The following WWP1 variants were observed in gnomAD, a reference collection of about 807,000 sequenced individuals.
WWP1 encodes the protein WW domain containing E3 ubiquitin protein ligase 1.
A neutral mutation model predicts 130.6 loss-of-function variants in WWP1; 49 were observed. That is an observed-to-expected ratio of 0.38 (90% confidence interval 0.30 to 0.48). The LOEUF is 0.48. WWP1 is among the 20% of genes least tolerant of loss of function. The probability of loss-of-function intolerance (pLI) is 0.99; values close to 1 mark genes in which losing one functional copy is unlikely to be tolerated. For synonymous variants in WWP1, 332 were observed against 367.8 expected, an observed-to-expected ratio of 0.90 and a Z score of 1.11; for missense variants, 809 against 1,100.6, an observed-to-expected ratio of 0.74 and a Z score of 3.75.
At chr8:86,435,736 T>C (rs370620437) in intron 16 of WWP1, 32 bp downstream of exon 16, 8 of 1,599,924 alleles carry the variant, frequency 5.0e-6, no homozygotes, top group Non-Finnish European at 6.8e-6. Context: ...TAAAACACCA[T>C]TTGTCTCATT....
chr8:86,425,416 A>G, intron 10 of WWP1, 98 bp downstream of exon 10: 1 of 779,390 alleles, frequency 1.3e-6, no homozygotes. Context: ...TTCATTCTGC[A>G]TATATTCAAT....
intron 9 of WWP1, 123 bp from the exon 10 acceptor site, chr8:86,425,098 CTG>C (rs138992023): frequency 4.6e-5 from 28 of 603,082 alleles, no homozygotes; most frequent in South Asian, 7.1e-5. Context: ...ATATATATAG[CTG>C]TGTGTGTGTA....
At chr8:86,388,088 G>A (rs1825391133) in intron 5 of WWP1, among the ~76,000 whole-genome samples, 1 of 150,838 alleles carries the variant, frequency 6.6e-6, no homozygotes, top group Non-Finnish European at 1.5e-5. Flanking sequence ...CATGGCCGCT[G>A]GCTACTGTAT....
intron 21 of WWP1, among the ~76,000 whole-genome samples, chr8:86,454,889 C>G (rs1811356599): frequency 6.6e-6 from 1 of 151,974 alleles, no homozygotes; most frequent in African/African-American, 2.4e-5. Context: ...GTTAAGAGTA[C>G]AGTTAAGAGT....
intron 3 of WWP1, among the ~76,000 whole-genome samples, chr8:86,375,881 C>A (rs995900540): frequency 6.6e-6 from 1 of 152,142 alleles, no homozygotes; most frequent in Admixed American, 6.5e-5. Flanking sequence ...GTGTCTACAC[C>A]AGCTATACAT....
intron 18 of WWP1, among the ~76,000 whole-genome samples, chr8:86,447,062 G>A (rs988103990): frequency 6.6e-6 from 1 of 152,180 alleles, no homozygotes; most frequent in Non-Finnish European, 1.5e-5. Context: ...GTGGGAGAGT[G>A]AATGCAGTAG....
rs376990767 is a variant in WWP1 at position 86,411,654 on chromosome 8, C to T, written c.841C>T (p.Pro281Ser). The part of the protein sequence containing the change: ...PNCTSTTVED[P>S]PVQEILTSSE... The stretch of plus-strand genomic sequence containing the variant: ...TTGCACTAGTACTACTGTTGAAGAT[C>T]CTCCAGTTCAAGAAATACTGACTTC... The change falls in exon 9 of 25, where the codon CCT becomes TCT. Residue 281 changes from proline to serine, a missense_variant. By Grantham distance (74) the Pro-to-Ser change is moderately conservative (BLOSUM62 -1). Coordinates refer to ENST00000517970, the MANE Select transcript of WWP1 (RefSeq NM_007013.4). 2 of 1,613,980 alleles carry T rather than the reference C, an allele frequency of 1.2e-6. No homozygotes were observed. Among genetic ancestry groups the T allele is most frequent in the Non-Finnish European group, 8.5e-7 (1 of 1,180,030 alleles).
At position 86,398,460 on chromosome 8, in the gene WWP1, C is replaced by T; in HGVS notation, c.453C>T (p.Asn151=). Residue 151 remains asparagine (N), a synonymous_variant, in exon 6 of 25, where the codon AAC becomes AAT. Coordinates refer to ENST00000517970, the MANE Select transcript of WWP1 (RefSeq NM_007013.4). ...GLVIEQENIT[N]CSSSPTIEIQ... ...TGATTGAGCAAGAAAATATAACAAA[C>T]TGCAGCTCATCTCCAACCAGTAAGC... is the stretch of plus-strand genomic sequence containing the variant. 6.2e-7 allele frequency: 1 copy of T among 1,612,652 alleles called. No homozygotes were observed.
chr8:86,442,699 G>A lies in WWP1; in HGVS notation c.1919G>A (p.Cys640Tyr), dbSNP rs1810652930. The change falls in exon 18 of 25, where the codon TGT becomes TAT. Residue 640 changes from cysteine to tyrosine, a missense_variant. Coordinates refer to ENST00000517970, the MANE Select transcript of WWP1 (RefSeq NM_007013.4). Reference sequence around the variant, plus strand: ...GAGTATGCGGGCAAGAACAACTATTGTCTGCAGATAAATCCAGCATCAACC... The same window carrying A: ...GAGTATGCGGGCAAGAACAACTATTATCTGCAGATAAATCCAGCATCAACC... ...LFEYAGKNNYCLQINPASTIN... is the reference protein window; with the variant it reads ...LFEYAGKNNYYLQINPASTIN... The A allele has an allele frequency of 6.2e-7, 1 of 1,612,600 alleles. No individual in the cohort carries two copies. The highest frequency in any genetic ancestry group is 1.3e-5 in the African/African-American group (1 of 74,852).
At chr8:86,408,243 C>T (rs1808391506) in intron 8 of WWP1, among the ~76,000 whole-genome samples, 1 of 152,120 alleles carries the variant, frequency 6.6e-6, no homozygotes, top group South Asian at 2.1e-4. Context: ...CTTTTTATCA[C>T]TAAATACTCA....
intron 1 of WWP1, among the ~76,000 whole-genome samples, chr8:86,359,174 C>CT (rs1359532919): frequency 1.3e-5 from 2 of 152,132 alleles, no homozygotes; most frequent in Admixed American, 6.5e-5. Flanking sequence ...GGAGAATCAT[C>CT]TTTTTTTCTC....
intron 14 of WWP1, among the ~76,000 whole-genome samples, chr8:86,434,044 C>A (rs1240648105): frequency 5.3e-5 from 8 of 152,264 alleles, no homozygotes; most frequent in Non-Finnish European, 1.0e-4. Flanking sequence ...GCCTCACCAC[C>A]CCCATTGCCA....
intron 10 of WWP1, among the ~76,000 whole-genome samples, chr8:86,426,808 G>A (rs1809651000): frequency 6.6e-6 from 1 of 152,150 alleles, no homozygotes; most frequent in Admixed American, 6.5e-5. Flanking sequence ...CATGGGCATT[G>A]GCTATAGAGC....
intron 11 of WWP1, 94 bp downstream of exon 11, chr8:86,427,911 C>G: frequency 1.6e-6 from 2 of 1,279,426 alleles, no homozygotes; most frequent in South Asian, 1.7e-5. Context: ...AATCACATAT[C>G]TATTTTGGTG....
intron 1 of WWP1, among the ~76,000 whole-genome samples, chr8:86,358,102 TTC>T (rs1823361791): frequency 6.6e-6 from 1 of 152,210 alleles, no homozygotes; most frequent in African/African-American, 2.4e-5. Context: ...TGTAATAAGC[TTC>T]TCTCTTATAT....
At chr8:86,378,061 T>G (rs1824772976) in intron 3 of WWP1, among the ~76,000 whole-genome samples, 1 of 152,302 alleles carries the variant, frequency 6.6e-6, no homozygotes, top group African/African-American at 2.4e-5. Context: ...CAAACCATTT[T>G]AATTATTTTC....
chr8:86,435,326 C>A, intron 14 of WWP1, 126 bp from the exon 15 acceptor site: 1 of 953,298 alleles, frequency 1.0e-6, no homozygotes, highest in Non-Finnish European at 1.6e-6. Context: ...GTATGTATAC[C>A]CTTCTCTCCC....
At position 86,427,639 on chromosome 8, in the gene WWP1, G is replaced by A. The variant is rs980151775; in HGVS notation, c.1158-4G>A. 1 of 1,593,724 alleles carries A rather than the reference G, an allele frequency of 6.3e-7. No individual in the cohort carries two copies. Among genetic ancestry groups the A allele is most frequent in the African/African-American group, 1.3e-5 (1 of 74,308 alleles). On this transcript the variant is annotated splice_polypyrimidine_tract_variant and splice_region_variant and intron_variant, in intron 10 of 24. Transcript: ENST00000517970. The stretch of plus-strand genomic sequence containing the variant: ...TATTGTTTATTATTGTTTACTTGTG[G>A]TAGTTGGGAAAGAAGAGTTGATGAT...
At chr8:86,415,860 A>G (rs1408027491) in intron 9 of WWP1, among the ~76,000 whole-genome samples, 1 of 152,174 alleles carries the variant, frequency 6.6e-6, no homozygotes, top group Non-Finnish European at 1.5e-5. Context: ...CACTAGACTG[A>G]AGGGAGATTT....
Sources: gnomAD v4.1 joint callset for allele counts (sites outside exome capture counted in the v4.1 genomes callset) on GRCh38, gnomAD v4.1.1 for gene constraint, MANE v1.5 for transcripts, NCBI Gene and HGNC (gene_info 2026-07-23, HGNC 2026-07-21) for gene names.